TPR: variants seen among roughly 807,000 people sequenced by gnomAD.
TPR encodes translocated promoter region, nuclear basket protein, also known as nucleoprotein TPR.
In TPR, 51 loss-of-function variants were observed where a neutral mutation model predicts 316.1. The observed-to-expected ratio is 0.16, with a 90% CI of 0.13 to 0.20. The LOEUF is 0.20. TPR is among the 10% of genes least tolerant of loss of function. The pLI is 1.00. For missense variants in TPR, 2,272 were observed against 2,754.8 expected (o/e 0.82, Z 3.92); for synonymous variants, 981 against 914.7 (o/e 1.07, Z -1.31).
chr1:186,353,975 T>C, intron 17 of TPR, 125 bp from the exon 18 acceptor site: 3 of 741,830 alleles, frequency 4.0e-6, no homozygotes, highest in South Asian at 1.9e-5. Context: ...CTAATCCTAA[T>C]GTAACATCAT....
Position 186,351,472 on chromosome 1 carries a change from TAAAGC to T in TPR, c.2470-7_2470-3del. 6.4e-7 allele frequency: 1 copy of T among 1,564,030 alleles called. No homozygotes were observed. The highest frequency in any genetic ancestry group is 1.2e-5 in the South Asian group (1 of 80,716). ...TGTTTCAGATCGCTCCAGTATTCCC[TAAAGC>T]AAAGAAAAGATTTTTGGTTATGCTT... On this transcript the variant is annotated splice_region_variant and splice_polypyrimidine_tract_variant and intron_variant, in intron 19 of 50. Coordinates refer to ENST00000367478, the MANE Select transcript of TPR (RefSeq NM_003292.3).
At chr1:186,342,559 AC>A (rs1331854875) in intron 27 of TPR, 1 of 152,152 alleles carries the variant, frequency 6.6e-6, no homozygotes, top group Non-Finnish European at 1.5e-5. Flanking sequence ...TAATTCTGGA[AC>A]CTTTAGCTTT....
intron 21 of TPR, among the ~76,000 whole-genome samples, chr1:186,350,007 C>T (rs1430707654): frequency 1.3e-5 from 2 of 152,074 alleles, no homozygotes; most frequent in Non-Finnish European, 2.9e-5. Context: ...GATCAAATGC[C>T]AAGCTGAACT....
rs2102042418 is a variant in TPR at position 186,313,391 on chromosome 1, C to T, written c.*580G>A. On this transcript the variant is annotated 3_prime_UTR_variant, in exon 51 of 51. Transcript: ENST00000367478. ...CATGTATTTTTTAAAAGGAATAACC[C>T]CAAGTAAATTATTTTTCAAACTTGG... The T allele has an allele frequency of 5.4e-6, 2 of 369,616 alleles. No individual in the cohort carries two copies. The highest frequency in any genetic ancestry group is 2.1e-5 in the African/African-American group (1 of 48,580). 22.9% of individuals were successfully genotyped at this position (369,616 alleles called of 1,614,324 possible). A position where few individuals can be genotyped will look rare whatever the true frequency, so the allele number is the denominator to read the frequency against.
chr1:186,345,798 C>A, intron 23 of TPR, 102 bp from the exon 24 acceptor site: 2 of 832,690 alleles, frequency 2.4e-6, no homozygotes, highest in Non-Finnish European at 3.7e-6. Flanking sequence ...TTTTAAGATC[C>A]AATTAGCCCA....
Position 186,358,001 on chromosome 1 carries a change from T to TAA in TPR, c.1498-380_1498-379dup, listed in dbSNP as rs1274186665. Among the ~76,000 whole-genome samples, 12 of 152,280 alleles carry TAA rather than the reference T, an allele frequency of 7.9e-5. No individual in the cohort carries two copies. In the South Asian group the frequency reaches 2.1e-3, roughly 26 times the overall value. Reference sequence around the variant, plus strand: ...GACATTTAAACAAAAAGCATATATATAATGCCATTCATGTGAAATTTTTAC... The same window carrying TAA: ...GACATTTAAACAAAAAGCATATATATAAAATGCCATTCATGTGAAATTTTTAC... On this transcript the variant is annotated intron_variant, in intron 13 of 50. Transcript: ENST00000367478.
intron 18 of TPR, among the ~76,000 whole-genome samples, chr1:186,353,289 G>C (rs973537972): frequency 6.6e-6 from 1 of 151,128 alleles, no homozygotes; most frequent in East Asian, 2.0e-4. Flanking sequence ...GGAGAATGGC[G>C]TAAACCCGGG....
intron 12 of TPR, 37 bp downstream of exon 12, chr1:186,359,762 A>G (rs753245553): frequency 5.8e-5 from 90 of 1,559,780 alleles, no homozygotes; most frequent in South Asian, 6.2e-5. Flanking sequence ...TCTCATTTGT[A>G]TTGTTACCAC....
Position 186,356,383 on chromosome 1 carries a change from T to C in TPR, c.1791A>G (p.Arg597=). The change falls in exon 15 of 51, where the codon CGA becomes CGG. Residue 597 remains arginine (R), a synonymous_variant. Transcript: ENST00000367478. Reference sequence around the variant, plus strand: ...AATCAACAAGCTGCATTTGATGCTGTCGTGATTTGCGGAGTTGTTCTAGTT... The same window carrying C: ...AATCAACAAGCTGCATTTGATGCTGCCGTGATTTGCGGAGTTGTTCTAGTT... ...LTELEQLRKS[R]QHQMQLVDSI... The C allele has an allele frequency of 1.2e-6, 2 of 1,613,936 alleles. No individual in the cohort carries two copies. The highest frequency in any genetic ancestry group is 3.3e-5 in the Admixed American group (2 of 60,012).
chr1:186,332,198 A>G lies in TPR; in HGVS notation c.5601T>C (p.Thr1867=). 4.4e-6 allele frequency: 7 copies of G among 1,607,212 alleles called. No individual in the cohort carries two copies. Among genetic ancestry groups the G allele is most frequent in the Non-Finnish European group, 5.9e-6 (7 of 1,177,448 alleles). ...KKLKSVTPVG[T]EEEVMAEEST... is the part of the protein sequence containing the mutation. ...ACACAGAAAGAACTTTACGCACCTC[A>G]GTTCCTACAGGTGTGACACTTTTCA... is the stretch of plus-strand genomic sequence containing the variant. The change falls in exon 38 of 51, where the codon ACT becomes ACC. Residue 1867 remains threonine (T), a synonymous_variant. Transcript: ENST00000367478.
Position 186,337,008 on chromosome 1 carries a change from C to A in TPR, c.4506+5G>T. On this transcript the variant is annotated splice_donor_5th_base_variant and intron_variant, in intron 32 of 50. Transcript: ENST00000367478. ...ATTAGGAACAGACTGTTCTCACACT[C>A]ATACCTTCTGCAGATTCTCTACTTG... The A allele has an allele frequency of 6.2e-7, 1 of 1,613,684 alleles. No homozygotes were observed. The highest frequency in any genetic ancestry group is 8.5e-7 in the Non-Finnish European group (1 of 1,179,728).
chr1:186,359,738 C>T lies in TPR; in HGVS notation c.1389+61G>A, dbSNP rs1558030954. ...TCAATCACCTTAAGAAAAAAAAATA[C>T]CTAGTAAATCATTTCTCATTTGTAT... is the stretch of plus-strand genomic sequence containing the variant. On this transcript the variant is annotated intron_variant, in intron 12 of 50. Coordinates refer to ENST00000367478, the MANE Select transcript of TPR (RefSeq NM_003292.3). The T allele has an allele frequency of 7.3e-6, 11 of 1,498,216 alleles. No homozygotes were observed. In the African/African-American group the frequency reaches 8.8e-5, roughly 12 times the overall value. The allele number at this position is 1,498,216 out of a possible 1,614,324, so 92.8% of individuals were successfully genotyped here. A position where few individuals can be genotyped will look rare whatever the true frequency, so the allele number is the denominator to read the frequency against.
At chr1:186,331,674 C>A in intron 38 of TPR, 93 bp from the exon 39 acceptor site, 1 of 724,442 alleles carries the variant, frequency 1.4e-6, no homozygotes, top group South Asian at 3.1e-5. Context: ...AAAAACCCTT[C>A]AAATCTATAT....
Position 186,338,131 on chromosome 1 carries a change from T to A in TPR, c.4264A>T (p.Ile1422Phe), listed in dbSNP as rs767338486. The A allele has an allele frequency of 6.2e-7, 1 of 1,613,014 alleles. No homozygotes were observed. The highest frequency in any genetic ancestry group is 8.5e-7 in the Non-Finnish European group (1 of 1,179,492). Residue 1422 changes from isoleucine to phenylalanine, a missense_variant, in exon 31 of 51, where the codon ATT becomes TTT. Physicochemically the swap from Ile to Phe is conservative, Grantham distance 21 (BLOSUM62 0). Transcript: ENST00000367478. Reference protein sequence around the residue: ...TIQKDLDAKIIDIQEKVKTIT... With the variant: ...TIQKDLDAKIFDIQEKVKTIT... ...GTTTTGACTTTTTCTTGGATATCAA[T>A]TATTTTGGCATCTAAGTCCTTCTGG...
At chr1:186,336,909 T>C (rs1021389311) in intron 32 of TPR, 104 bp downstream of exon 32, 98 of 1,516,298 alleles carry the variant, frequency 6.5e-5, no homozygotes, top group Middle Eastern at 2.0e-4. Flanking sequence ...AAGAATAAAA[T>C]GTATCCATTC....
At chr1:186,374,497 G>C (rs187860964) in intron 1 of TPR, among the ~76,000 whole-genome samples, 4 of 152,316 alleles carry the variant, frequency 2.6e-5, no homozygotes, top group Non-Finnish European at 5.9e-5. Context: ...CAAAGGCCTA[G>C]AATGCAGGTG....
intron 49 of TPR, among the ~76,000 whole-genome samples, chr1:186,316,759 A>G (rs1657625469): frequency 1.3e-5 from 2 of 152,160 alleles, no homozygotes; most frequent in South Asian, 2.1e-4. Context: ...CAGCTTCCAT[A>G]TCTATAAAAT....
At chr1:186,336,417 T>C (rs1283191780) in intron 33 of TPR, 79 bp downstream of exon 33, 3 of 1,362,428 alleles carry the variant, frequency 2.2e-6, no homozygotes, top group East Asian at 4.6e-5. Flanking sequence ...ATACCTTTTA[T>C]TTCTATTCCA....
At chr1:186,334,689 G>C (rs1276895909) in intron 35 of TPR, among the ~76,000 whole-genome samples, 156 bp from the exon 36 acceptor site, 1 of 152,092 alleles carries the variant, frequency 6.6e-6, no homozygotes, top group Admixed American at 6.6e-5. Flanking sequence ...ACTACACAGG[G>C]AATGCTCCAG....
Sources: allele counts gnomAD v4.1 joint callset (sites outside exome capture counted in the v4.1 genomes callset), GRCh38; gene constraint gnomAD v4.1.1; transcripts MANE v1.5; gene names NCBI Gene and HGNC (gene_info 2026-07-23, HGNC 2026-07-21).